The following NRXN3 variants were observed in gnomAD, a reference collection of about 807,000 sequenced individuals.
NRXN3 encodes neurexin III.
Under a neutral mutation model 137.6 loss-of-function variants are expected in NRXN3, and 32 were observed. That is an observed-to-expected ratio of 0.23 (90% CI 0.18 to 0.31). The LOEUF (loss-of-function observed/expected upper bound fraction) is 0.31. Ranked by LOEUF, NRXN3 falls within the 10% of genes least tolerant of loss-of-function variation. The probability of loss-of-function intolerance (pLI) is 1.00; values close to 1 mark genes in which losing one functional copy is unlikely to be tolerated. For missense variants in NRXN3, 1,574 were observed against 2,062.5 expected, an observed-to-expected ratio of 0.76 and a Z score of 4.59; for synonymous variants, 798 against 784.5, an observed-to-expected ratio of 1.02 and a Z score of -0.29.
At position 79,192,765 on chromosome 14, in the gene NRXN3, ATTT is replaced by A. The variant is rs961910712; in HGVS notation, c.3262+204645_3262+204647del. Among the ~76,000 whole-genome samples, 34 of 115,290 alleles carry A rather than the reference ATTT, an allele frequency of 2.9e-4. 1 individual carries two copies. Among genetic ancestry groups the A allele is most frequent in the African/African-American group, 6.4e-4 (19 of 29,900 alleles). 75.6% of individuals were successfully genotyped at this position (115,290 alleles called of 152,430 possible). ...TAAAAAGACATGTACAATTCTCTTA[ATTT>A]TTTTTTTTTTTTTTTTTTTTGAGAC... On this transcript the variant is annotated intron_variant, in intron 15 of 20. Transcript: ENST00000335750.
chr14:79,046,244 G>A (rs114466694), intron 15 of NRXN3, among the ~76,000 whole-genome samples: 3,887 of 152,064 alleles, frequency 0.026, 133 homozygotes, highest in African/African-American at 0.077. Context: ...AGTAGTAGCT[G>A]CAGCTTATGC....
At chr14:79,570,090 G>C (rs779934643) in intron 16 of NRXN3, among the ~76,000 whole-genome samples, 1 of 152,076 alleles carries the variant, frequency 6.6e-6, no homozygotes, top group Non-Finnish European at 1.5e-5. Flanking sequence ...TCTAATTCAA[G>C]CTTTCTTCCA....
intron 10 of NRXN3, among the ~76,000 whole-genome samples, chr14:78,860,037 T>C (rs1162643574): frequency 1.3e-5 from 2 of 152,126 alleles, no homozygotes; most frequent in Non-Finnish European, 2.9e-5. Flanking sequence ...AATTCCTTTC[T>C]CTTTGACAGT....
At chr14:78,326,305 C>T (rs2080072999) in intron 4 of NRXN3, among the ~76,000 whole-genome samples, 1 of 152,186 alleles carries the variant, frequency 6.6e-6, no homozygotes, top group South Asian at 2.1e-4. Flanking sequence ...GTTCTTTTGG[C>T]TGCTTGCAGC....
At chr14:79,700,638 T>G (rs988381485) in intron 19 of NRXN3, among the ~76,000 whole-genome samples, 7 of 152,084 alleles carry the variant, frequency 4.6e-5, no homozygotes, top group African/African-American at 1.7e-4. Flanking sequence ...AGTGTTGATT[T>G]CAGATCAAAG....
intron 4 of NRXN3, among the ~76,000 whole-genome samples, chr14:78,379,387 G>A (rs542805982): frequency 6.6e-6 from 1 of 152,232 alleles, no homozygotes; most frequent in South Asian, 2.1e-4. Flanking sequence ...GTACAATTCA[G>A]CAATATGTAA....
intron 17 of NRXN3, among the ~76,000 whole-genome samples, chr14:79,668,970 T>C (rs181504680): frequency 6.6e-6 from 1 of 152,236 alleles, no homozygotes; most frequent in South Asian, 2.1e-4. Flanking sequence ...ATTGAGACTT[T>C]AAAGGATTAA....
chr14:78,582,167 C>T (rs1202427068), intron 4 of NRXN3, among the ~76,000 whole-genome samples: 1 of 152,206 alleles, frequency 6.6e-6, no homozygotes, highest in Non-Finnish European at 1.5e-5. Flanking sequence ...AGAGCTACTT[C>T]ATGATGTTGG....
At chr14:79,322,823 C>T (rs1053945603) in intron 15 of NRXN3, among the ~76,000 whole-genome samples, 1 of 152,162 alleles carries the variant, frequency 6.6e-6, no homozygotes, top group African/African-American at 2.4e-5. Flanking sequence ...GTACTTAGTG[C>T]TAGTCAGGCT....
chr14:78,699,639 T>C (rs540810849), intron 6 of NRXN3, among the ~76,000 whole-genome samples: 14 of 152,292 alleles, frequency 9.2e-5, no homozygotes, highest in African/African-American at 3.4e-4. Flanking sequence ...AATAGTTACC[T>C]TTTTCCCCTA....
At chr14:78,211,149 G>A (rs1434795446) in intron 1 of NRXN3, among the ~76,000 whole-genome samples, 2 of 152,122 alleles carry the variant, frequency 1.3e-5, no homozygotes, top group African/African-American at 4.8e-5. Context: ...TTTTGCAAAT[G>A]AAGAGAAAAA....
chr14:78,807,950 C>T (rs2098887053), intron 9 of NRXN3, among the ~76,000 whole-genome samples: 1 of 151,860 alleles, frequency 6.6e-6, no homozygotes, highest in African/African-American at 2.4e-5. Flanking sequence ...AGGAAATTGC[C>T]TTCCCAACTC....
intron 6 of NRXN3, among the ~76,000 whole-genome samples, chr14:78,708,051 T>C (rs1344877992): frequency 6.6e-6 from 1 of 152,366 alleles, no homozygotes; most frequent in Non-Finnish European, 1.5e-5. Context: ...CTTCTTTTCC[T>C]CTGGGTAGAT....
chr14:79,368,664 T>C (rs562369380), intron 15 of NRXN3, among the ~76,000 whole-genome samples: 5 of 152,296 alleles, frequency 3.3e-5, no homozygotes, highest in African/African-American at 1.2e-4. Context: ...CCATTCCCTA[T>C]ACATTTGCAT....
At chr14:79,403,578 A>G (rs768156955) in intron 15 of NRXN3, among the ~76,000 whole-genome samples, 9 of 152,158 alleles carry the variant, frequency 5.9e-5, no homozygotes, top group Non-Finnish European at 7.4e-5. Flanking sequence ...ATCATGATCT[A>G]TGTTCTCATT....
chr14:79,826,805 C>T (rs1044960575), intron 20 of NRXN3, among the ~76,000 whole-genome samples: 1 of 152,130 alleles, frequency 6.6e-6, no homozygotes, highest in Non-Finnish European at 1.5e-5. Context: ...TATTTTATTT[C>T]CCCATTTGTT....
intron 15 of NRXN3, among the ~76,000 whole-genome samples, chr14:79,158,240 T>C (rs2060437414): frequency 6.6e-6 from 1 of 151,830 alleles, no homozygotes; most frequent in African/African-American, 2.4e-5. Flanking sequence ...TTAGGTTGTG[T>C]AGAAAAGTCT....
intron 15 of NRXN3, among the ~76,000 whole-genome samples, chr14:79,460,577 G>A (rs2096321586): frequency 6.6e-6 from 1 of 152,130 alleles, no homozygotes; most frequent in Non-Finnish European, 1.5e-5. Context: ...CTGCTTATAA[G>A]TCTTTGAGTT....
intron 16 of NRXN3, among the ~76,000 whole-genome samples, chr14:79,539,550 A>G (rs1234569474): frequency 6.6e-6 from 1 of 152,168 alleles, no homozygotes; most frequent in Non-Finnish European, 1.5e-5. Flanking sequence ...TTTTTCTCTC[A>G]GATTCATGTC....
Sources: allele counts gnomAD v4.1 joint callset (sites outside exome capture counted in the v4.1 genomes callset), GRCh38; gene constraint gnomAD v4.1.1; transcripts MANE v1.5; gene names NCBI Gene and HGNC (gene_info 2026-07-23, HGNC 2026-07-21).